The following LRMDA variants were observed in gnomAD, a reference collection of about 807,000 sequenced individuals.
LRMDA encodes leucine rich melanocyte differentiation associated, also known as leucine-rich melanocyte differentiation-associated protein.
In LRMDA, 18 loss-of-function variants were observed where a neutral mutation model predicts 29.8. The ratio of observed to expected loss-of-function variants is 0.60; its 90% CI spans 0.42 to 0.90. The LOEUF is 0.90. Ranked by LOEUF, LRMDA falls within the 40% of genes least tolerant of loss-of-function variation. LRMDA has a pLI of 0.00. For synonymous variants in LRMDA, 125 were observed against 109.4 expected (o/e 1.14, Z -0.89); for missense variants, 273 against 273.9 (o/e 1.00, Z 0.02).
chr10:76,299,855 A>G (rs1443522628), intron 5 of LRMDA, among the ~76,000 whole-genome samples: 2 of 151,950 alleles, frequency 1.3e-5, no homozygotes, highest in East Asian at 3.9e-4. Flanking sequence ...GAGGCCTGAG[A>G]CTCAAGCTTT....
intron 2 of LRMDA, among the ~76,000 whole-genome samples, chr10:75,556,795 A>C (rs1343066789): frequency 6.9e-6 from 1 of 144,902 alleles, no homozygotes; most frequent in Admixed American, 7.3e-5. Context: ...GTGCAGTGTT[A>C]GCTTTAGGCA....
chr10:76,202,492 T>C (rs919404392), intron 5 of LRMDA, among the ~76,000 whole-genome samples: 2 of 152,082 alleles, frequency 1.3e-5, no homozygotes, highest in Non-Finnish European at 2.9e-5. Flanking sequence ...TAGAAATGCA[T>C]GCATTTATTT....
intron 2 of LRMDA, among the ~76,000 whole-genome samples, chr10:75,717,057 C>T (rs1321465429): frequency 6.6e-6 from 1 of 152,218 alleles, no homozygotes; most frequent in African/African-American, 2.4e-5. Flanking sequence ...AGCTTTCCTG[C>T]ATGTGACTGC....
At chr10:76,353,790 T>C (rs977521679) in intron 6 of LRMDA, among the ~76,000 whole-genome samples, 2 of 152,174 alleles carry the variant, frequency 1.3e-5, no homozygotes, top group Non-Finnish European at 2.9e-5. Flanking sequence ...GGCTGATTTA[T>C]GGACCTGGAG....
At position 75,561,742 on chromosome 10, in the gene LRMDA, G is replaced by A. The variant is rs867445014; in HGVS notation, c.131+123248G>A. Among the ~76,000 whole-genome samples, 298 of 151,686 alleles carry A rather than the reference G, an allele frequency of 2.0e-3. 2 individuals carry two copies. The highest frequency in any genetic ancestry group is 2.8e-3 in the Non-Finnish European group (193 of 67,832). ...TCTGATATGTTGTGTCTTTGTTCTC[G>A]TTGGTTTCAAAGAACATCTTTATTT... On this transcript the variant is annotated intron_variant, in intron 2 of 6. Transcript: ENST00000611255.
Position 75,615,468 on chromosome 10 carries a change from G to T in LRMDA, c.131+176974G>T, listed in dbSNP as rs549233456. Among the ~76,000 whole-genome samples, 4 of 152,118 alleles carry T rather than the reference G, an allele frequency of 2.6e-5. No individual in the cohort carries two copies. In the South Asian group the frequency reaches 8.3e-4, roughly 32 times the overall value. ...ATCAAATTGGTGCTCAAAAATTTTT[G>T]GATTTTAGGGTATTTCAGATTTGGG... On this transcript the variant is annotated intron_variant, in intron 2 of 6. Transcript: ENST00000611255.
chr10:75,977,593 C>G (rs1847096422), intron 2 of LRMDA, among the ~76,000 whole-genome samples: 1 of 152,174 alleles, frequency 6.6e-6, no homozygotes, highest in Admixed American at 6.5e-5. Flanking sequence ...TTGCACTGGT[C>G]CTAATTAGAA....
At chr10:75,465,016 C>G (rs1844631560) in intron 2 of LRMDA, among the ~76,000 whole-genome samples, 1 of 152,152 alleles carries the variant, frequency 6.6e-6, no homozygotes, top group Non-Finnish European at 1.5e-5. Context: ...TCCCTGGGGC[C>G]TCTTCCTTCT....
Position 76,252,424 on chromosome 10 carries a change from A to G in LRMDA, c.517-71977A>G, listed in dbSNP as rs909424984. 2.0e-5 allele frequency among the ~76,000 whole-genome samples: 3 copies of G among 152,198 alleles called. No individual in the cohort carries two copies. The East Asian group carries it at 5.8e-4, about 29-fold the overall frequency. ...GAAAAAAAAGCTAAGTTGACCAGAG[A>G]GGTAAATTACACATTCAAGCAGATG... On this transcript the variant is annotated intron_variant, in intron 5 of 6. Transcript: ENST00000611255.
chr10:75,794,352 G>A (rs948751397), intron 2 of LRMDA, among the ~76,000 whole-genome samples: 3 of 152,076 alleles, frequency 2.0e-5, no homozygotes, highest in Non-Finnish European at 4.4e-5. Context: ...ATGGAAATTT[G>A]GACTATTTAT....
chr10:76,384,297 A>G (rs752685850), intron 6 of LRMDA, among the ~76,000 whole-genome samples: 28 of 152,204 alleles, frequency 1.8e-4, no homozygotes, highest in Non-Finnish European at 2.6e-4. Flanking sequence ...TTATTCATTC[A>G]ATTGATATTT....
chr10:75,838,587 C>A (rs1345432926), intron 2 of LRMDA, among the ~76,000 whole-genome samples: 1 of 152,124 alleles, frequency 6.6e-6, no homozygotes, highest in Non-Finnish European at 1.5e-5. Flanking sequence ...AAGCCTCTTG[C>A]TTTGGCTGAA....
chr10:76,206,074 G>T (rs923718855), intron 5 of LRMDA, among the ~76,000 whole-genome samples: 1 of 152,102 alleles, frequency 6.6e-6, no homozygotes, highest in Non-Finnish European at 1.5e-5. Flanking sequence ...TCCTCCCGTC[G>T]ATCAAAAGAC....
chr10:75,840,141 C>CTTCGTTT (rs1190458622), intron 2 of LRMDA, among the ~76,000 whole-genome samples: 1 of 152,138 alleles, frequency 6.6e-6, no homozygotes, highest in East Asian at 1.9e-4. Context: ...CCTTCCTTCT[C>CTTCGTTT]TTCGTTTTTA....
chr10:76,209,626 G>A (rs993313164), intron 5 of LRMDA, among the ~76,000 whole-genome samples: 1 of 152,118 alleles, frequency 6.6e-6, no homozygotes, highest in East Asian at 1.9e-4. Flanking sequence ...TCAAGATAAG[G>A]ATTTGATCTC....
intron 2 of LRMDA, among the ~76,000 whole-genome samples, chr10:75,940,148 A>C (rs905329532): frequency 1.3e-5 from 2 of 152,144 alleles, no homozygotes; most frequent in African/African-American, 4.8e-5. Flanking sequence ...AGTAAGATGG[A>C]GTTTACATTC....
chr10:76,339,754 A>G (rs1224588311), intron 6 of LRMDA, among the ~76,000 whole-genome samples: 1 of 152,086 alleles, frequency 6.6e-6, no homozygotes, highest in Admixed American at 6.6e-5. Context: ...AAATCTAAGT[A>G]AAACAAGTAA....
At chr10:76,326,920 C>T (rs901274073) in intron 6 of LRMDA, among the ~76,000 whole-genome samples, 3 of 152,096 alleles carry the variant, frequency 2.0e-5, no homozygotes, top group Non-Finnish European at 4.4e-5. Context: ...GAAACTTTTA[C>T]TGATCTGAGT....
At chr10:75,739,871 A>G (rs1200103200) in intron 2 of LRMDA, among the ~76,000 whole-genome samples, 3 of 152,272 alleles carry the variant, frequency 2.0e-5, no homozygotes, top group African/African-American at 7.2e-5. Context: ...TAAATAAGGC[A>G]GCACACACAA....
Sources: allele counts gnomAD v4.1 joint callset (sites outside exome capture counted in the v4.1 genomes callset), GRCh38; gene constraint gnomAD v4.1.1; transcripts MANE v1.5; gene names NCBI Gene and HGNC (gene_info 2026-07-23, HGNC 2026-07-21).